TTLL8: variants seen among roughly 807,000 people sequenced by gnomAD.
The protein encoded by TTLL8 is protein monoglycylase TTLL8.
TTLL8 carries 65 observed loss-of-function variants against 77.8 expected under a neutral mutation model. That is an observed-to-expected ratio of 0.84 (90% CI 0.68 to 1.03). The LOEUF (loss-of-function observed/expected upper bound fraction) is 1.03, where lower values mean the gene tolerates loss of function less well. TTLL8 is among the 50% of genes least tolerant of loss of function. The pLI is 0.00. For missense variants in TTLL8, 910 were observed against 1,004.5 expected (o/e 0.91, Z 1.27); for synonymous variants, 402 against 422.8 (o/e 0.95, Z 0.60).
chr22:50,042,615 T>C (rs2061378953), intron 6 of TTLL8, among the ~76,000 whole-genome samples: 1 of 152,178 alleles, frequency 6.6e-6, no homozygotes, highest in Non-Finnish European at 1.5e-5. Flanking sequence ...GTTTTTTCTA[T>C]AAAATACCCT....
At chr22:50,043,748 G>GCATT (rs2061390800) in intron 6 of TTLL8, among the ~76,000 whole-genome samples, 1 of 152,176 alleles carries the variant, frequency 6.6e-6, no homozygotes, top group African/African-American at 2.4e-5. Flanking sequence ...ATATTACTAA[G>GCATT]TCGAAGAAGC....
intron 4 of TTLL8, among the ~76,000 whole-genome samples, chr22:50,046,363 G>A (rs554085707): frequency 6.6e-6 from 1 of 152,328 alleles, no homozygotes; most frequent in South Asian, 2.1e-4. Context: ...GGCCCGGAAC[G>A]CAGCCACATG....
At chr22:50,057,592 T>G (rs1347594499), upstream of TTLL8, among the ~76,000 whole-genome samples, 7 of 41,852 alleles carry the variant, frequency 1.7e-4, 3 homozygotes, top group East Asian at 3.9e-3. Flanking sequence ...GGGTTGAGGG[T>G]CAGGTTTGGG....
exon 10 of TTLL8, chr22:50,033,431 C>T (rs754414173): frequency 7.3e-7 from 1 of 1,363,840 alleles, no homozygotes; most frequent in Non-Finnish European, 9.8e-7. Context: ...TCCACACGGT[C>T]CATGCACACT....
Position 50,048,141 on chromosome 22 carries a change from TGTGTA to T in TTLL8, c.265-850_265-846del, listed in dbSNP as rs1569233056. Reference sequence around the variant, plus strand: ...GTGTGTGTGTGTGTGTGTGTGTGTGTGTGTAAATAATAGCATACTAATCACTAACC... The same window carrying T: ...GTGTGTGTGTGTGTGTGTGTGTGTGTAATAATAGCATACTAATCACTAACC... On this transcript the variant is annotated intron_variant, in intron 3 of 13. Transcript: ENST00000266182. Among the ~76,000 whole-genome samples the T allele has an allele frequency of 4.8e-3, 702 of 147,474 alleles. 5 individuals carry two copies. Among genetic ancestry groups the T allele is most frequent in the African/African-American group, 0.017 (658 of 39,340 alleles).
intron 8 of TTLL8, among the ~76,000 whole-genome samples, chr22:50,035,901 CA>C (rs973312904): frequency 1.6e-4 from 25 of 152,248 alleles, no homozygotes; most frequent in African/African-American, 5.8e-4. Context: ...GGTATTTGGG[CA>C]GGACCACTGT....
intron 8 of TTLL8, among the ~76,000 whole-genome samples, chr22:50,039,916 G>A (rs1366991183): frequency 6.6e-6 from 1 of 151,296 alleles, no homozygotes; most frequent in Non-Finnish European, 1.5e-5. Context: ...ACGTGTATCA[G>A]TGTGGACGGA....
rs910073034 is a variant in TTLL8, at chr22:50,028,485, G to A, written c.2203+1945C>T. Among the ~76,000 whole-genome samples the A allele has an allele frequency of 1.3e-4, 20 of 152,266 alleles. No individual in the cohort carries two copies. The East Asian group carries it at 1.9e-3, about 15-fold the overall frequency. Reference sequence around the variant, plus strand: ...TGCTGCAGGAGGAACTTCGCCTCCCGTGGGGCAAGAGGCATCTCCGTGAGT... The same window carrying A: ...TGCTGCAGGAGGAACTTCGCCTCCCATGGGGCAAGAGGCATCTCCGTGAGT... On this transcript the variant is annotated intron_variant, in intron 12 of 13. Coordinates refer to ENST00000266182, the Ensembl canonical transcript of TTLL8.
Position 50,045,246 on chromosome 22 carries a change from C to G in TTLL8, c.643+9G>C, listed in dbSNP as rs763729074. On this transcript the variant is annotated intron_variant, in intron 6 of 13. Transcript: ENST00000266182. ...TGGCCTGGCACTGCCCTGCCCCGGCCCAGCGCACCTTGCCTGCTGCTCAGG... is the reference window on the plus strand; with the variant it reads ...TGGCCTGGCACTGCCCTGCCCCGGCGCAGCGCACCTTGCCTGCTGCTCAGG... 3 of 1,351,498 alleles carry G rather than the reference C, an allele frequency of 2.2e-6. No homozygotes were observed. In the South Asian group the frequency reaches 3.4e-5, roughly 15 times the overall value. The allele number at this position is 1,351,498 out of a possible 1,614,324, so 83.7% of individuals were successfully genotyped here.
chr22:50,053,106 C>G (rs2061452490), intron 1 of TTLL8, among the ~76,000 whole-genome samples: 1 of 151,872 alleles, frequency 6.6e-6, no homozygotes, highest in Non-Finnish European at 1.5e-5. Flanking sequence ...CCTGTAGTCC[C>G]AGCTACTCAG....
chr22:50,046,560 C>T (rs1156809810), intron 4 of TTLL8, among the ~76,000 whole-genome samples: 4 of 152,250 alleles, frequency 2.6e-5, no homozygotes, highest in Non-Finnish European at 5.9e-5. Context: ...CCACTAGCAG[C>T]GCTGGCGCTG....
chr22:50,043,695 AGC>A (rs2061390491), intron 6 of TTLL8, among the ~76,000 whole-genome samples: 1 of 152,220 alleles, frequency 6.6e-6, no homozygotes, highest in African/African-American at 2.4e-5. Context: ...TAAAAAGAAA[AGC>A]GCTCTCAAGC....
At chr22:50,037,534 T>C (rs1354246316) in intron 8 of TTLL8, among the ~76,000 whole-genome samples, 1 of 152,208 alleles carries the variant, frequency 6.6e-6, no homozygotes, top group South Asian at 2.1e-4. Flanking sequence ...CTTTCACATA[T>C]ATGATATATC....
In TTLL8 at chr22:50,041,789, G is replaced by T; in HGVS notation, c.662C>A (p.Ala221Glu). The T allele has an allele frequency of 7.3e-7, 1 of 1,362,620 alleles. No homozygotes were observed. Among genetic ancestry groups the T allele is most frequent in the Non-Finnish European group, 9.8e-7 (1 of 1,020,168 alleles). 84.4% of individuals were successfully genotyped at this position (1,362,620 alleles called of 1,614,324 possible). Reference sequence around the variant, plus strand: ...CTGCCCCGGGAGGCCCCTGAGCTTTGCCTCAGCATTTTCAGCATCTGAAAC... The same window carrying T: ...CTGCCCCGGGAGGCCCCTGAGCTTTTCCTCAGCATTTTCAGCATCTGAAAC... The change falls in exon 7 of 14, where the codon GCA becomes GAA. Residue 221 changes from alanine to glutamate, a missense_variant. By Grantham distance (107) the Ala-to-Glu change is moderately radical. Transcript: ENST00000266182. The surrounding 1 kb of genome is among the most constrained non-coding windows in gnomAD (Gnocchi z 4.3).
At chr22:50,032,288 A>T (rs1356543142) in intron 10 of TTLL8, among the ~76,000 whole-genome samples, 179 bp from the exon 12 acceptor site, 1 of 152,196 alleles carries the variant, frequency 6.6e-6, no homozygotes, top group Non-Finnish European at 1.5e-5. Context: ...CAGATGGAGA[A>T]ACAGGGCTCA....
At chr22:50,033,718 G>T (rs1057078570) in intron 9 of TTLL8, among the ~76,000 whole-genome samples, 2 of 152,210 alleles carry the variant, frequency 1.3e-5, no homozygotes, top group African/African-American at 4.8e-5. Context: ...CAGTGAAGGG[G>T]CAGGGACAGA....
rs766217242 is a variant in TTLL8 at position 50,041,151 on chromosome 22, G to C, written c.921+36C>G. Reference sequence around the variant, plus strand: ...AGTCACTCACCAACACCAAGAGTGAGGCAGGTGCCCCAGTGGAGAGACAGA... The same window carrying C: ...AGTCACTCACCAACACCAAGAGTGACGCAGGTGCCCCAGTGGAGAGACAGA... On this transcript the variant is annotated intron_variant, in intron 8 of 13. Coordinates refer to ENST00000266182, the Ensembl canonical transcript of TTLL8. The surrounding 1 kb of genome is among the most constrained non-coding windows in gnomAD (Gnocchi z 4.3). 1.5e-5 allele frequency: 6 copies of C among 399,074 alleles called. No homozygotes were observed. The highest frequency in any genetic ancestry group is 3.0e-5 in the Non-Finnish European group (6 of 201,848). 24.7% of individuals were successfully genotyped at this position (399,074 alleles called of 1,614,324 possible).
chr22:50,056,758 G>A (rs1003246033), upstream of TTLL8: 1 of 1,284,024 alleles, frequency 7.8e-7, no homozygotes, highest in Admixed American at 2.3e-5. The surrounding 1 kb of genome is among the most constrained non-coding windows in gnomAD (Gnocchi z 4.1). Context: ...TCAGTGAAGT[G>A]CCTGCCCCCA....
At chr22:50,057,956 G>T (rs936240488), upstream of TTLL8, among the ~76,000 whole-genome samples, 3 of 151,976 alleles carry the variant, frequency 2.0e-5, no homozygotes, top group Middle Eastern at 3.4e-3. Context: ...GAGTTCTGTG[G>T]TTCCGAGCTA....
Sources: gnomAD v4.1 joint callset for allele counts (sites outside exome capture counted in the v4.1 genomes callset) on GRCh38, gnomAD v4.1.1 for gene constraint, Gnocchi (gnomAD v3.1) non-coding constraint, MANE v1.5 for transcripts, NCBI Gene and HGNC (gene_info 2026-07-23, HGNC 2026-07-21) for gene names.